Variants in PLD5 observed in about 807,000 individuals in gnomAD.
PLD5 encodes inactive phospholipase D5.
A neutral mutation model predicts 61.1 loss-of-function variants in PLD5; 36 were observed. That is an observed-to-expected ratio of 0.59 (90% CI 0.45 to 0.78). PLD5 has a LOEUF of 0.78. Among genes scored for constraint, PLD5 ranks in the 30% least tolerant of loss-of-function variants. The pLI is 0.00. For missense variants in PLD5, 515 were observed against 644.4 expected (o/e 0.80, Z 2.17); for synonymous variants, 243 against 242.8 (o/e 1.00, Z -0.01).
chr1:242,094,374 T>A (rs1660067118), intron 9 of PLD5, among the ~76,000 whole-genome samples: 2 of 152,158 alleles, frequency 1.3e-5, no homozygotes, highest in African/African-American at 4.8e-5. Context: ...ACCCTGGAGA[T>A]TTCAAAATTA....
chr1:242,507,236 A>T (rs1668756936), intron 1 of PLD5, among the ~76,000 whole-genome samples: 1 of 152,234 alleles, frequency 6.6e-6, no homozygotes, highest in Admixed American at 6.5e-5. Flanking sequence ...GGCCTTTGGC[A>T]TTTGGGGATT....
At chr1:242,494,091 TTCCCCTCTCCTCCCCTCTCC>T (rs750456059) in intron 1 of PLD5, among the ~76,000 whole-genome samples, 30 of 62,310 alleles carry the variant, frequency 4.8e-4, no homozygotes, top group African/African-American at 1.0e-3. Context: ...CTGCCCTCCC[TTCCCCTCTCCTCCCCTCTCC>T]TCCCCTCTCC....
At chr1:242,218,442 G>T (rs1670352819) in intron 5 of PLD5, among the ~76,000 whole-genome samples, 1 of 152,176 alleles carries the variant, frequency 6.6e-6, no homozygotes, top group Non-Finnish European at 1.5e-5. Context: ...TATGTCTATA[G>T]AAGCAAACAC....
chr1:242,475,259 T>C (rs1286468416), intron 1 of PLD5, among the ~76,000 whole-genome samples: 1 of 151,840 alleles, frequency 6.6e-6, no homozygotes, highest in Non-Finnish European at 1.5e-5. Context: ...CCGTCTCTAC[T>C]AAAAATACAA....
intron 2 of PLD5, among the ~76,000 whole-genome samples, chr1:242,325,619 T>C (rs1017517648): frequency 3.9e-5 from 6 of 152,136 alleles, no homozygotes; most frequent in African/African-American, 1.4e-4. Flanking sequence ...TTTTTTAAAT[T>C]GAATTTGAAC....
At chr1:242,366,996 T>C (rs1191009653) in intron 1 of PLD5, among the ~76,000 whole-genome samples, 1 of 151,974 alleles carries the variant, frequency 6.6e-6, no homozygotes, top group South Asian at 2.1e-4. Context: ...TCTGAGCCCA[T>C]ATTAGCATAC....
rs751169173 is a variant in PLD5 at position 242,134,411 on chromosome 1, TAGAAAA to T, written c.736-9752_736-9747del. On this transcript the variant is annotated intron_variant, in intron 5 of 9. Transcript: ENST00000536534. Reference sequence around the variant, plus strand: ...TTTTTTTTTTTTTTTAATAAATAATTAGAAAAAGAAAATTTTTAAAAGTATAAATCT... The same window carrying T: ...TTTTTTTTTTTTTTTAATAAATAATTAGAAAATTTTTAAAAGTATAAATCT... Among the ~76,000 whole-genome samples, 94 of 151,646 alleles carry T rather than the reference TAGAAAA, an allele frequency of 6.2e-4. 2 individuals are homozygous for T. In the South Asian group the frequency reaches 0.015, roughly 24 times the overall value.
intron 5 of PLD5, among the ~76,000 whole-genome samples, chr1:242,211,467 A>G (rs1390226751): frequency 6.6e-6 from 1 of 152,206 alleles, no homozygotes; most frequent in East Asian, 1.9e-4. Flanking sequence ...CAGCCAGGTT[A>G]ATTACCCACA....
At chr1:242,422,880 A>G (rs1665225764) in intron 1 of PLD5, among the ~76,000 whole-genome samples, 1 of 139,694 alleles carries the variant, frequency 7.2e-6, no homozygotes, top group Non-Finnish European at 1.5e-5. Context: ...ATAAGGTCTC[A>G]CTCTGTTCCC....
chr1:242,424,769 T>C (rs1016113236), intron 1 of PLD5, among the ~76,000 whole-genome samples: 3 of 152,206 alleles, frequency 2.0e-5, no homozygotes, highest in Admixed American at 1.3e-4. Context: ...AGACAGCTCC[T>C]TTCTATTCCC....
chr1:242,176,384 T>C lies in PLD5; in HGVS notation c.735+43604A>G, dbSNP rs141325571. On this transcript the variant is annotated intron_variant, in intron 5 of 9. Coordinates refer to ENST00000536534, the MANE Select transcript of PLD5 (RefSeq NM_001372062.1). The stretch of plus-strand genomic sequence containing the variant: ...GTGTTGGGGAAACTGGCTAGCCATA[T>C]GCAGAAAACTGACGCTGTACCCCTT... Among the ~76,000 whole-genome samples, 42 of 152,340 alleles carry C rather than the reference T, an allele frequency of 2.8e-4. No homozygotes were observed. The East Asian group carries it at 7.3e-3, about 27-fold the overall frequency.
intron 6 of PLD5, among the ~76,000 whole-genome samples, chr1:242,115,093 G>A (rs1317793799): frequency 1.3e-5 from 2 of 152,116 alleles, no homozygotes; most frequent in East Asian, 1.9e-4. Context: ...CAGGAGAATC[G>A]CTTGAACCCG....
At chr1:242,427,296 T>C (rs1268813234) in intron 1 of PLD5, among the ~76,000 whole-genome samples, 2 of 152,172 alleles carry the variant, frequency 1.3e-5, no homozygotes, top group Non-Finnish European at 2.9e-5. Context: ...CCAGAAGATA[T>C]CAACAGTAAT....
Position 242,265,441 on chromosome 1 carries a change from C to A in PLD5, c.503G>T (p.Arg168Leu). 1 of 1,603,500 alleles carries A rather than the reference C, an allele frequency of 6.2e-7. No homozygotes were observed. The highest frequency in any genetic ancestry group is 1.1e-5 in the South Asian group (1 of 89,044). The stretch of plus-strand genomic sequence containing the variant: ...CAGCTGGAGCAACTTTTCAAAAAGA[C>A]GTTGACCCTGGAAAAAATATTCAGA... The part of the protein sequence containing the change: ...HTHPSACQGQ[R>L]LFEKLLQLTS... Residue 168 changes from arginine (R) to leucine (L), a missense_variant, in exon 4 of 10, where the codon CGT becomes CTT. Arg to Leu is a moderately radical substitution (Grantham distance 102). Transcript: ENST00000536534.
rs868415761 is a variant in PLD5 at position 242,196,111 on chromosome 1, A to G, written c.735+23877T>C. Among the ~76,000 whole-genome samples, 3 of 152,236 alleles carry G rather than the reference A, an allele frequency of 2.0e-5. No homozygotes were observed. The South Asian group carries it at 6.2e-4, about 32-fold the overall frequency. On this transcript the variant is annotated intron_variant, in intron 5 of 9. Transcript: ENST00000536534. ...GGTTTGGTTTGGGGTGAGGATTGGT[A>G]AAAGGCAAAAATGTTACCTAGACAG...
chr1:242,110,021 CACATTATA>C (rs1187561525), intron 7 of PLD5, among the ~76,000 whole-genome samples: 5 of 148,418 alleles, frequency 3.4e-5, no homozygotes, highest in Admixed American at 2.0e-4. Context: ...GCAGGAGAAT[CACATTATA>C]TTATTATATT....
chr1:242,392,931 C>CAT (rs1408525188), intron 1 of PLD5, among the ~76,000 whole-genome samples: 5 of 152,062 alleles, frequency 3.3e-5, no homozygotes, highest in Non-Finnish European at 7.4e-5. Context: ...GGCAGGGCCG[C>CAT]AGTGGCTCAC....
At chr1:242,147,104 C>T (rs1664595041) in intron 5 of PLD5, among the ~76,000 whole-genome samples, 1 of 152,182 alleles carries the variant, frequency 6.6e-6, no homozygotes, top group Non-Finnish European at 1.5e-5. Context: ...TAACCACCAC[C>T]ACAATCAAGA....
intron 3 of PLD5, among the ~76,000 whole-genome samples, chr1:242,277,671 T>C (rs1470712109): frequency 6.7e-6 from 1 of 149,514 alleles, no homozygotes; most frequent in Non-Finnish European, 1.5e-5. Context: ...CGTTGTAATG[T>C]TAAGTTCAAA....
Sources: gnomAD v4.1 joint callset for allele counts (sites outside exome capture counted in the v4.1 genomes callset) on GRCh38, gnomAD v4.1.1 for gene constraint, MANE v1.5 for transcripts, NCBI Gene and HGNC (gene_info 2026-07-23, HGNC 2026-07-21) for gene names.